The following RYR1 variants were observed in gnomAD, a reference collection of about 807,000 sequenced individuals.
RYR1 encodes central core disease of muscle.
Under a neutral mutation model 583.5 loss-of-function variants are expected in RYR1, and 342 were observed. The observed-to-expected ratio is 0.59, with a 90% CI of 0.54 to 0.64. The LOEUF is 0.64. Ranked by LOEUF, RYR1 falls within the 30% of genes least tolerant of loss-of-function variation. RYR1 has a pLI of 0.00. For synonymous variants in RYR1, 2,791 were observed against 2,822.5 expected, an observed-to-expected ratio of 0.99 and a Z score of 0.35; for missense variants, 6,032 against 6,917.2, an observed-to-expected ratio of 0.87 and a Z score of 4.54.
chr19:38,515,527 G>A (rs1224041230), intron 64 of RYR1, among the ~76,000 whole-genome samples: 3 of 152,154 alleles, frequency 2.0e-5, no homozygotes, highest in Admixed American at 6.5e-5. Context: ...AGCGGTGCGC[G>A]GTGGCTCACA....
Position 38,495,919 on chromosome 19 carries a change from C to T in RYR1, c.6549-296C>T, listed in dbSNP as rs148478528. ...CTGGGATTACGGGTATGCGCCACCACGCCTGGCTAATTTTTGTATTTTTAG... is the reference window on the plus strand; with the variant it reads ...CTGGGATTACGGGTATGCGCCACCATGCCTGGCTAATTTTTGTATTTTTAG... On this transcript the variant is annotated intron_variant, in intron 39 of 105. Transcript: ENST00000359596. Among the ~76,000 whole-genome samples, 555 of 152,246 alleles carry T rather than the reference C, an allele frequency of 3.6e-3. 1 individual carries two copies. Among genetic ancestry groups the T allele is most frequent in the African/African-American group, 0.013 (523 of 41,550 alleles).
rs1224080746 is a variant in RYR1 at position 38,504,728 on chromosome 19, G to C, written c.8068-20G>C. 1.2e-6 allele frequency: 2 copies of C among 1,613,706 alleles called. No homozygotes were observed. Among genetic ancestry groups the C allele is most frequent in the Admixed American group, 3.3e-5 (2 of 60,020 alleles). ...AGGCTTATAGCGACCTCCTACCCCT[G>C]CTTCACCCGGTTTTCCCAGAAATAC... On this transcript the variant is annotated intron_variant, in intron 50 of 105. Transcript: ENST00000359596.
chr19:38,453,068 C>A, intron 13 of RYR1, 54 bp downstream of exon 13: 5 of 1,567,792 alleles, frequency 3.2e-6, no homozygotes, highest in African/African-American at 1.4e-5. Flanking sequence ...GGCGGGACCA[C>A]TGAGGGGCGG....
chr19:38,502,003 A>C (rs1970144091), intron 47 of RYR1, among the ~76,000 whole-genome samples: 1 of 151,872 alleles, frequency 6.6e-6, no homozygotes, highest in African/African-American at 2.4e-5. Flanking sequence ...AAAAAGAAAA[A>C]TAAATTAGCC....
intron 101 of RYR1, among the ~76,000 whole-genome samples, chr19:38,582,256 G>A (rs771006893): frequency 4.6e-5 from 7 of 152,016 alleles, no homozygotes; most frequent in Admixed American, 2.0e-4. Context: ...AATTAGCTGG[G>A]CATGGTGGCG....
At chr19:38,568,581 CAAAAA>C (rs59369147) in intron 93 of RYR1, among the ~76,000 whole-genome samples, 1 of 64,900 alleles carries the variant, frequency 1.5e-5, no homozygotes, top group African/African-American at 4.4e-5. Flanking sequence ...ACTAAAAATA[CAAAAA>C]AAAAAAAAAA....
Position 38,515,256 on chromosome 19 carries a change from G to A in RYR1, c.9554+149G>A, listed in dbSNP as rs867184777. The A allele has an allele frequency of 4.0e-5, 28 of 694,900 alleles. 1 individual carries two copies. The highest frequency in any genetic ancestry group is 3.9e-4 in the African/African-American group (22 of 56,500). 43.0% of individuals were successfully genotyped at this position (694,900 alleles called of 1,614,324 possible). A position where few individuals can be genotyped will look rare whatever the true frequency, so the allele number is the denominator to read the frequency against. On this transcript the variant is annotated intron_variant, in intron 64 of 105. Coordinates refer to ENST00000359596, the MANE Select transcript of RYR1 (RefSeq NM_000540.3). Reference sequence around the variant, plus strand: ...AGCCGCGGTTCCCCACGGCGGCCGCGTGAGGGCGCTCAGGGACAGGTCAGC... The same window carrying A: ...AGCCGCGGTTCCCCACGGCGGCCGCATGAGGGCGCTCAGGGACAGGTCAGC...
chr19:38,513,182 C>T (rs926353722), intron 63 of RYR1, among the ~76,000 whole-genome samples: 4 of 151,660 alleles, frequency 2.6e-5, no homozygotes, highest in Admixed American at 6.6e-5. Context: ...TACTAAAATA[C>T]AAAAATTAGC....
intron 11 of RYR1, among the ~76,000 whole-genome samples, chr19:38,449,415 C>T (rs537205579): frequency 2.6e-5 from 4 of 152,276 alleles, no homozygotes; most frequent in South Asian, 2.1e-4. Flanking sequence ...GAGCCAATAT[C>T]GTGCCATTGC....
chr19:38,478,010 C>A (rs1968824187), intron 30 of RYR1, 140 bp downstream of exon 30: 1 of 821,528 alleles, frequency 1.2e-6, no homozygotes. Context: ...GGGCACTGGG[C>A]ACCCAGCTCG....
At position 38,535,383 on chromosome 19, in the gene RYR1, A is replaced by C; in HGVS notation, c.11507A>C (p.Gln3836Pro). 1 of 1,613,814 alleles carries C rather than the reference A, an allele frequency of 6.2e-7. No individual in the cohort carries two copies. Among genetic ancestry groups the C allele is most frequent in the Non-Finnish European group, 8.5e-7 (1 of 1,179,696 alleles). The change falls in exon 81 of 106, where the codon CAA (glutamine) becomes CCA (proline). Residue 3836 changes from glutamine to proline, a missense_variant. Gln to Pro is a moderately conservative substitution (Grantham distance 76). Coordinates refer to ENST00000359596, the MANE Select transcript of RYR1 (RefSeq NM_000540.3). Reference sequence around the variant, plus strand: ...TTCCAGAGTATCCAGGCACTGATGCAAACATGCAGGTAGGTTCGAGTGGAC... The same window carrying C: ...TTCCAGAGTATCCAGGCACTGATGCCAACATGCAGGTAGGTTCGAGTGGAC... The part of the protein sequence containing the change: ...GFFQSIQALM[Q>P]TCSVLDLNAF...
chr19:38,535,799 G>A, intron 81 of RYR1, 198 bp from the exon 82 acceptor site: 1 of 655,292 alleles, frequency 1.5e-6, no homozygotes, highest in Non-Finnish European at 2.7e-6. Context: ...CATTATTTCA[G>A]CTTGCGCATG....
rs2145562143 is a variant in RYR1, at chr19:38,490,168, C to G, written c.5907C>G (p.Leu1969=). 1.7e-5 allele frequency: 28 copies of G among 1,614,238 alleles called. No homozygotes were observed. The highest frequency in any genetic ancestry group is 2.3e-5 in the Non-Finnish European group (27 of 1,180,042). ...AAFAERYVDK[L]QANQRSRYGL... is the part of the protein sequence containing the mutation. ...TTGCGGAGCGCTATGTGGACAAGCT[C>G]CAGGCCAACCAGCGGAGCCGCTATG... The change falls in exon 36 of 106, where the codon CTC becomes CTG. Residue 1969 remains leucine (L), a synonymous_variant. Coordinates refer to ENST00000359596, the MANE Select transcript of RYR1 (RefSeq NM_000540.3).
intron 99 of RYR1, 147 bp downstream of exon 99, chr19:38,578,351 T>A: frequency 2.7e-6 from 2 of 739,550 alleles, no homozygotes; most frequent in Non-Finnish European, 4.6e-6. Context: ...CACACAAGGC[T>A]CCTTATCCCC....
At chr19:38,442,850 C>T (rs1281443030) in intron 3 of RYR1, among the ~76,000 whole-genome samples, 3 of 152,192 alleles carry the variant, frequency 2.0e-5, no homozygotes, top group Non-Finnish European at 2.9e-5. Context: ...CAGTCCTTTC[C>T]CCCAACCCTG....
chr19:38,455,875 T>C, intron 16 of RYR1, 124 bp downstream of exon 16: 1 of 703,154 alleles, frequency 1.4e-6, no homozygotes, highest in Non-Finnish European at 2.6e-6. Context: ...TGTACGCCAC[T>C]CCCACTGGCT....
chr19:38,482,868 G>T (rs540583048), intron 31 of RYR1, among the ~76,000 whole-genome samples, 159 bp from the exon 32 acceptor site: 1 of 152,226 alleles, frequency 6.6e-6, no homozygotes, highest in East Asian at 1.9e-4. Context: ...TGGCCTGGCT[G>T]GATCAGAGGT....
Position 38,502,711 on chromosome 19 carries a change from C to G in RYR1, c.7819C>G (p.Leu2607Val). 1 of 1,556,002 alleles carries G rather than the reference C, an allele frequency of 6.4e-7. No homozygotes were observed. Among genetic ancestry groups the G allele is most frequent in the Non-Finnish European group, 8.7e-7 (1 of 1,148,670 alleles). The stretch of plus-strand genomic sequence containing the variant: ...GCAGCGTGACGTCATCGAGGACTGC[C>G]TCATGTCGCTCTGCAGGTGGAGCGG... ...KAQRDVIEDCLMSLCRYIRPS... is the reference protein window; with the variant it reads ...KAQRDVIEDCVMSLCRYIRPS... The change falls in exon 48 of 106, where the codon CTC (leucine) becomes GTC (valine). Residue 2607 changes from leucine (L) to valine (V), a missense_variant. This residue lies in a region of RYR1 where 250 missense variants were observed against 162.3 expected (regional missense o/e 1.54). Transcript: ENST00000359596.
rs761955179 is a variant in RYR1 at position 38,475,342 on chromosome 19, C to T, written c.4185C>T (p.Val1395=). ...GCTTCTTATTCAAGGCCAAGAAGGTCGCCATGATGACCCAGCCACCGGCCA... is the reference window on the plus strand; with the variant it reads ...GCTTCTTATTCAAGGCCAAGAAGGTTGCCATGATGACCCAGCCACCGGCCA... The part of the protein sequence containing the change: ...KRGFLFKAKK[V]AMMTQPPATP... Residue 1395 remains valine (V), a synonymous_variant, in exon 29 of 106, where the codon GTC becomes GTT. Transcript: ENST00000359596. 2.7e-5 allele frequency: 43 copies of T among 1,603,390 alleles called. No homozygotes were observed. Among genetic ancestry groups the T allele is most frequent in the Middle Eastern group, 3.3e-4 (2 of 6,062 alleles).
Sources: allele counts gnomAD v4.1 joint callset (sites outside exome capture counted in the v4.1 genomes callset), GRCh38; gene constraint gnomAD v4.1.1; regional missense constraint gnomAD v4.1.1; transcripts MANE v1.5; gene names NCBI Gene and HGNC (gene_info 2026-07-23, HGNC 2026-07-21).